HDAC9: variants seen among roughly 807,000 people sequenced by gnomAD.
HDAC9 encodes the protein MEF-2 interacting transcription repressor (MITR) protein.
HDAC9 carries 41 observed loss-of-function variants against 139.4 expected under a neutral mutation model. The ratio of observed to expected loss-of-function variants is 0.29; its 90% CI spans 0.23 to 0.38. The LOEUF (loss-of-function observed/expected upper bound fraction) is 0.38. HDAC9 is among the 10% of genes least tolerant of loss of function. The pLI is 1.00. For missense variants in HDAC9, 1,147 were observed against 1,297.0 expected (o/e 0.88, Z 1.78); for synonymous variants, 517 against 476.2 (o/e 1.09, Z -1.12).
chr7:18,822,479 C>T (rs1042062122), intron 17 of HDAC9, among the ~76,000 whole-genome samples: 6 of 152,100 alleles, frequency 3.9e-5, no homozygotes, highest in Admixed American at 6.6e-5. Context: ...CTCAGACTCC[C>T]GACTAGTTGG....
At chr7:18,653,988 G>C (rs1252664807) in intron 11 of HDAC9, among the ~76,000 whole-genome samples, 1 of 152,028 alleles carries the variant, frequency 6.6e-6, no homozygotes, top group Non-Finnish European at 1.5e-5. Flanking sequence ...ATGCATGCCT[G>C]TGTGTGTGTT....
intron 22 of HDAC9, among the ~76,000 whole-genome samples, chr7:18,908,593 T>A (rs2190275): frequency 0.21 from 32,529 of 152,040 alleles, 4,034 homozygotes; most frequent in East Asian, 0.39. Flanking sequence ...TACTCTCTAC[T>A]TCCATGACAT....
intron 8 of HDAC9, 47 bp downstream of exon 8, chr7:18,634,789 T>C (rs1220667609): frequency 1.2e-5 from 14 of 1,156,618 alleles, no homozygotes; most frequent in South Asian, 1.3e-5. Context: ...AATTTCTGAT[T>C]AGCTACCTAA....
intron 16 of HDAC9, among the ~76,000 whole-genome samples, chr7:18,781,794 G>A (rs1791264153): frequency 6.6e-6 from 1 of 151,892 alleles, no homozygotes; most frequent in African/African-American, 2.4e-5. Flanking sequence ...GTTTCCCAAG[G>A]CAAACACAAA....
At chr7:18,838,359 C>T (rs1796371898) in intron 21 of HDAC9, among the ~76,000 whole-genome samples, 1 of 151,968 alleles carries the variant, frequency 6.6e-6, no homozygotes, top group Non-Finnish European at 1.5e-5. Context: ...TATTGTTCAA[C>T]CTGTGCTTCT....
chr7:18,452,012 A>C (rs549972788), intron 1 of HDAC9, among the ~76,000 whole-genome samples: 1 of 152,180 alleles, frequency 6.6e-6, no homozygotes. Context: ...CAGATACTTC[A>C]CTAAAGTATT....
intron 1 of HDAC9, among the ~76,000 whole-genome samples, chr7:18,393,008 G>A (rs763651956): frequency 1.3e-5 from 2 of 151,466 alleles, no homozygotes; most frequent in African/African-American, 4.8e-5. Context: ...AAGTGTGGAG[G>A]GATGTATGAA....
rs565733542 is a variant in HDAC9, at chr7:18,466,334, T to C, written c.-41-29928T>C. 4.4e-3 allele frequency among the ~76,000 whole-genome samples: 667 copies of C among 152,194 alleles called. 10 individuals are homozygous for C. Among genetic ancestry groups the C allele is most frequent in the Middle Eastern group, 0.014 (4 of 294 alleles). ...GCCTCAGTCTCCCAAGTAGCTGGGA[T>C]TACAAGCATGCACCACCACACCTGG... is the stretch of plus-strand genomic sequence containing the variant. On this transcript the variant is annotated intron_variant, in intron 1 of 3. Coordinates refer to the HDAC9 transcript ENST00000413509.
chr7:18,496,455 C>T (rs1796972030), intron 2 of HDAC9, 131 bp downstream of exon 2: 2 of 750,632 alleles, frequency 2.7e-6, no homozygotes, highest in Non-Finnish European at 2.3e-6. Flanking sequence ...TTTCTTGGTG[C>T]GTCTGTAGGG....
intron 2 of HDAC9, among the ~76,000 whole-genome samples, chr7:18,529,511 G>C (rs1808146419): frequency 6.6e-6 from 1 of 152,182 alleles, no homozygotes; most frequent in Non-Finnish European, 1.5e-5. Flanking sequence ...AAAGTAGATT[G>C]AGGAAGTTAG....
chr7:18,438,425 T>C (rs1237275104), intron 1 of HDAC9, among the ~76,000 whole-genome samples: 1 of 152,154 alleles, frequency 6.6e-6, no homozygotes, highest in Non-Finnish European at 1.5e-5. Flanking sequence ...AATATAACAC[T>C]TTGCCAGTCA....
intron 22 of HDAC9, chr7:18,906,887 A>T (rs913027410): frequency 6.6e-6 from 1 of 152,270 alleles, no homozygotes; most frequent in African/African-American, 2.4e-5. Flanking sequence ...TGCACTTTTC[A>T]TAAGGTTTTT....
intron 6 of HDAC9, among the ~76,000 whole-genome samples, chr7:18,598,872 T>C (rs933176280): frequency 2.0e-5 from 3 of 152,212 alleles, no homozygotes; most frequent in East Asian, 3.8e-4. Context: ...TCTCTGGTAT[T>C]TCAGAGCTCA....
At position 18,749,791 on chromosome 7, in the gene HDAC9, C is replaced by G. The variant is rs369057635; in HGVS notation, c.2043+653C>G. Among the ~76,000 whole-genome samples, 354 of 152,252 alleles carry G rather than the reference C, an allele frequency of 2.3e-3. 1 individual carries two copies. Among genetic ancestry groups the G allele is most frequent in the African/African-American group, 8.4e-3 (351 of 41,546 alleles). ...TCAAATGTGCAAAATATGTAACAAC[C>G]AGCTGCTATTCGATTTAGTTGCTAT... On this transcript the variant is annotated intron_variant, in intron 14 of 25. Coordinates refer to ENST00000686413, the MANE Select transcript of HDAC9 (RefSeq NM_178425.4).
chr7:18,232,541 G>A (rs963955116), intron 2 of HDAC9, among the ~76,000 whole-genome samples: 5 of 152,086 alleles, frequency 3.3e-5, no homozygotes, highest in Non-Finnish European at 2.9e-5. Context: ...CTTTTCTATC[G>A]TAGTTATTTC....
chr7:18,842,811 C>A (rs1364619061), intron 21 of HDAC9, among the ~76,000 whole-genome samples: 1 of 152,066 alleles, frequency 6.6e-6, no homozygotes, highest in South Asian at 2.1e-4. Context: ...ATCTTATGCA[C>A]ACCTGTCTTC....
chr7:18,910,763 T>TTTGTC (rs542529322), intron 22 of HDAC9, among the ~76,000 whole-genome samples: 193 of 152,044 alleles, frequency 1.3e-3, no homozygotes, highest in African/African-American at 4.6e-3. Context: ...TGATTATTGT[T>TTTGTC]TTGTCTAAGT....
At chr7:18,632,025 CAG>C (rs1408157521) in intron 7 of HDAC9, among the ~76,000 whole-genome samples, 2 of 151,146 alleles carry the variant, frequency 1.3e-5, no homozygotes, top group African/African-American at 4.9e-5. Flanking sequence ...ATTGGTAAGA[CAG>C]AATGTTTAAG....
chr7:18,772,785 T>A (rs1206120377), intron 16 of HDAC9, among the ~76,000 whole-genome samples: 1 of 152,104 alleles, frequency 6.6e-6, no homozygotes, highest in Non-Finnish European at 1.5e-5. Flanking sequence ...ATAAGCCACC[T>A]TAATGAAACT....
Sources: allele counts gnomAD v4.1 joint callset (sites outside exome capture counted in the v4.1 genomes callset), GRCh38; gene constraint gnomAD v4.1.1; transcripts MANE v1.5; gene names NCBI Gene and HGNC (gene_info 2026-07-23, HGNC 2026-07-21).